Variants in PITPNC1 observed in about 807,000 individuals in gnomAD.
The protein encoded by PITPNC1 is phosphatidylinositol transfer protein cytoplasmic 1, also known as cytoplasmic phosphatidylinositol transfer protein 1.
In PITPNC1, 18 loss-of-function variants were observed where a neutral mutation model predicts 44.7. The observed-to-expected ratio is 0.40, with a 90% CI of 0.28 to 0.60. PITPNC1 has a LOEUF of 0.60. Among genes scored for constraint, PITPNC1 ranks in the 20% least tolerant of loss-of-function variants. The pLI is 0.39. For missense variants in PITPNC1, 290 were observed against 418.4 expected, an observed-to-expected ratio of 0.69 and a Z score of 2.68; for synonymous variants, 141 against 149.6, an observed-to-expected ratio of 0.94 and a Z score of 0.42.
chr17:67,456,565 A>G (rs970258196), intron 1 of PITPNC1, among the ~76,000 whole-genome samples: 5 of 151,960 alleles, frequency 3.3e-5, no homozygotes, highest in Non-Finnish European at 7.4e-5. Flanking sequence ...TAGCTTTGTT[A>G]TCCTAAAAAT....
intron 1 of PITPNC1, among the ~76,000 whole-genome samples, chr17:67,427,040 C>T (rs1053081686): frequency 8.5e-5 from 13 of 152,070 alleles, no homozygotes; most frequent in African/African-American, 2.9e-4. Context: ...CTAATGGCAC[C>T]GAGGTGCTGT....
intron 1 of PITPNC1, among the ~76,000 whole-genome samples, chr17:67,396,935 A>G (rs1471232193): frequency 6.6e-6 from 1 of 152,206 alleles, no homozygotes; most frequent in Non-Finnish European, 1.5e-5. Flanking sequence ...GATTACAGGT[A>G]TAAGCCATTT....
chr17:67,623,853 C>T (rs1030470020), intron 5 of PITPNC1, among the ~76,000 whole-genome samples: 7 of 152,174 alleles, frequency 4.6e-5, no homozygotes, highest in Non-Finnish European at 7.3e-5. Flanking sequence ...CACCCTACAT[C>T]GTGATCTTGG....
intron 6 of PITPNC1, among the ~76,000 whole-genome samples, chr17:67,635,985 A>C (rs2706687): frequency 0.76 from 115,558 of 152,038 alleles, 44,484 homozygotes; most frequent in Non-Finnish European, 0.82. Flanking sequence ...ACAGCACAGA[A>C]AGCCCCTCAC....
intron 5 of PITPNC1, among the ~76,000 whole-genome samples, chr17:67,584,692 A>G (rs979598793): frequency 6.6e-6 from 1 of 152,334 alleles, no homozygotes; most frequent in African/African-American, 2.4e-5. Flanking sequence ...AACTGCACTC[A>G]TGATGATTTC....
chr17:67,480,652 T>C (rs763527955), intron 1 of PITPNC1, among the ~76,000 whole-genome samples: 4 of 152,202 alleles, frequency 2.6e-5, no homozygotes, highest in Non-Finnish European at 4.4e-5. Flanking sequence ...GTATTTTTTT[T>C]TGTAGGCATA....
At position 67,549,395 on chromosome 17, in the gene PITPNC1, A is replaced by G. The variant is rs144038789; in HGVS notation, c.198-2862A>G. ...CTCCCAAAAAAGGAAGAAGAGTTCC[A>G]TAAAATATCAGCTATCTTGACTAAA... On this transcript the variant is annotated intron_variant, in intron 2 of 8. Coordinates refer to ENST00000581322, the MANE Select transcript of PITPNC1 (RefSeq NM_012417.4). Among the ~76,000 whole-genome samples the G allele has an allele frequency of 4.4e-3, 677 of 152,326 alleles. 6 individuals are homozygous for G. Among genetic ancestry groups the G allele is most frequent in the African/African-American group, 0.015 (604 of 41,570 alleles).
At chr17:67,523,465 A>G (rs1478460680) in intron 1 of PITPNC1, among the ~76,000 whole-genome samples, 1 of 149,490 alleles carries the variant, frequency 6.7e-6, no homozygotes, top group African/African-American at 2.5e-5. Flanking sequence ...GGTTTATTAT[A>G]CAATTTATGA....
In PITPNC1 at chr17:67,378,055, GCCGGGCT is replaced by G; in HGVS notation, c.-93_-87del. On this transcript the variant is annotated 5_prime_UTR_variant, in exon 1 of 9. Transcript: ENST00000581322. ...GCTGCTTCGCCCTCCGGCTCCGAGC[GCCGGGCT>G]CCGGGCGCCCTGCCCTGCGCCTGGG... 4 of 646,664 alleles carry G rather than the reference GCCGGGCT, an allele frequency of 6.2e-6. No homozygotes were observed. The highest frequency in any genetic ancestry group is 9.5e-6 in the Non-Finnish European group (4 of 421,284). 40.1% of individuals were successfully genotyped at this position (646,664 alleles called of 1,614,324 possible).
intron 1 of PITPNC1, among the ~76,000 whole-genome samples, chr17:67,474,546 C>G (rs922391212): frequency 2.0e-5 from 3 of 152,164 alleles, no homozygotes; most frequent in African/African-American, 7.2e-5. Flanking sequence ...CAGTGACCAC[C>G]AAAATGTCTC....
At chr17:67,675,751 G>A (rs547690735) in intron 8 of PITPNC1, among the ~76,000 whole-genome samples, 57 of 152,254 alleles carry the variant, frequency 3.7e-4, no homozygotes, top group Middle Eastern at 3.4e-3. Context: ...TGACTAAGTA[G>A]GAACCTCAGG....
intron 2 of PITPNC1, among the ~76,000 whole-genome samples, chr17:67,551,366 G>T (rs1317616317): frequency 6.6e-6 from 1 of 152,128 alleles, no homozygotes; most frequent in Non-Finnish European, 1.5e-5. Context: ...AAACAACACA[G>T]ATTTATCCTC....
chr17:67,632,062 G>C, intron 5 of PITPNC1, 81 bp from the exon 6 acceptor site: 2 of 810,446 alleles, frequency 2.5e-6, no homozygotes, highest in African/African-American at 1.7e-5. Flanking sequence ...GATGCTCTGT[G>C]TGGGGGTTAT....
intron 5 of PITPNC1, among the ~76,000 whole-genome samples, chr17:67,599,578 A>T (rs531825653): frequency 6.6e-6 from 1 of 152,284 alleles, no homozygotes; most frequent in South Asian, 2.1e-4. Flanking sequence ...CAGGAAAGTG[A>T]GAACACCAAG....
chr17:67,567,521 A>G (rs78410662), intron 4 of PITPNC1, among the ~76,000 whole-genome samples: 3,684 of 151,640 alleles, frequency 0.024, 64 homozygotes, highest in Middle Eastern at 0.055. Context: ...GAGACGTGCT[A>G]TCAAGGAGGT....
chr17:67,410,289 A>T (rs2143841793), intron 1 of PITPNC1, among the ~76,000 whole-genome samples: 1 of 152,292 alleles, frequency 6.6e-6, no homozygotes, highest in Non-Finnish European at 1.5e-5. Flanking sequence ...TGTTTGATTT[A>T]TTTTATTTTT....
intron 1 of PITPNC1, among the ~76,000 whole-genome samples, chr17:67,522,204 T>G (rs1462028314): frequency 1.3e-5 from 2 of 151,972 alleles, no homozygotes; most frequent in African/African-American, 4.8e-5. Context: ...CTCAGGAGGT[T>G]GAAGCAGAGG....
At chr17:67,556,258 A>T (rs2040837245) in intron 4 of PITPNC1, among the ~76,000 whole-genome samples, 1 of 152,158 alleles carries the variant, frequency 6.6e-6, no homozygotes, top group Admixed American at 6.5e-5. Context: ...AATGTGGGAG[A>T]CAGGAAGAAA....
Position 67,622,206 on chromosome 17 carries a change from G to A in PITPNC1, c.367-9937G>A, listed in dbSNP as rs1283142198. Among the ~76,000 whole-genome samples the A allele has an allele frequency of 3.2e-4, 46 of 145,776 alleles. No homozygotes were observed. In the East Asian group the frequency reaches 5.8e-3, roughly 18 times the overall value. ...CGGGAGGCGGAGCTTGCAGTGAGCC[G>A]AGATTGCGCCACTGCACTCCAGCCT... On this transcript the variant is annotated intron_variant, in intron 5 of 8. Transcript: ENST00000581322.
Sources: gnomAD v4.1 joint callset for allele counts (sites outside exome capture counted in the v4.1 genomes callset) on GRCh38, gnomAD v4.1.1 for gene constraint, MANE v1.5 for transcripts, NCBI Gene and HGNC (gene_info 2026-07-23, HGNC 2026-07-21) for gene names.